The following ERBB4 variants were observed in gnomAD, a reference collection of about 807,000 sequenced individuals.
ERBB4 encodes the protein erb-b2 receptor tyrosine kinase 4.
Under a neutral mutation model 158.0 loss-of-function variants are expected in ERBB4, and 42 were observed. The ratio of observed to expected loss-of-function variants is 0.27; its 90% CI spans 0.21 to 0.34. The LOEUF (loss-of-function observed/expected upper bound fraction) is 0.34. Ranked by LOEUF, ERBB4 falls within the 10% of genes least tolerant of loss-of-function variation. The pLI is 1.00. For synonymous variants in ERBB4, 583 were observed against 558.7 expected, an observed-to-expected ratio of 1.04 and a Z score of -0.61; for missense variants, 1,333 against 1,624.1, an observed-to-expected ratio of 0.82 and a Z score of 3.08.
chr2:211,804,435 T>C (rs2076567708), intron 3 of ERBB4, among the ~76,000 whole-genome samples: 1 of 152,182 alleles, frequency 6.6e-6, no homozygotes, highest in African/African-American at 2.4e-5. Flanking sequence ...GGTCTTCTAC[T>C]TGTTCTTTGG....
chr2:212,384,890 A>AATATATATATATATATAT (rs67216333), intron 1 of ERBB4, among the ~76,000 whole-genome samples: 1 of 123,188 alleles, frequency 8.1e-6, no homozygotes, highest in African/African-American at 3.2e-5. Flanking sequence ...ATGTTTGTGG[A>AATATATATATATATATAT]ATATATATAT....
At chr2:211,803,845 T>C (rs2105896705) in intron 3 of ERBB4, among the ~76,000 whole-genome samples, 1 of 152,248 alleles carries the variant, frequency 6.6e-6, no homozygotes, top group East Asian at 1.9e-4. Context: ...ACAGCTCCTC[T>C]ACCTATTGAT....
chr2:212,395,913 AGCCAGCTATACTTTTT>A (rs1374155100), intron 1 of ERBB4, among the ~76,000 whole-genome samples: 1 of 152,074 alleles, frequency 6.6e-6, no homozygotes, highest in Non-Finnish European at 1.5e-5. Context: ...GACCACGCCC[AGCCAGCTATACTTTTT>A]TACACAGCAT....
chr2:211,886,438 GA>G (rs2078803486), intron 3 of ERBB4, among the ~76,000 whole-genome samples: 1 of 152,114 alleles, frequency 6.6e-6, no homozygotes, highest in Non-Finnish European at 1.5e-5. Context: ...AAATAAAAAT[GA>G]AAGAAGGATA....
At position 211,810,991 on chromosome 2, in the gene ERBB4, T is replaced by C. The variant is rs2076740648; in HGVS notation, c.422-22832A>G. 1.3e-5 allele frequency among the ~76,000 whole-genome samples: 2 copies of C among 152,206 alleles called. 1 individual carries two copies. Among genetic ancestry groups the C allele is most frequent in the South Asian group, 4.1e-4 (2 of 4,830 alleles). ...GCCTGGCCCAGTCTCTGTCTTTTAATTGGGGTGTTCAGCCCATTTACATTT... is the reference window on the plus strand; with the variant it reads ...GCCTGGCCCAGTCTCTGTCTTTTAACTGGGGTGTTCAGCCCATTTACATTT... On this transcript the variant is annotated intron_variant, in intron 3 of 27. Transcript: ENST00000342788.
intron 6 of ERBB4, among the ~76,000 whole-genome samples, chr2:211,724,780 C>T (rs752695670): frequency 2.0e-5 from 3 of 151,952 alleles, no homozygotes; most frequent in Non-Finnish European, 4.4e-5. Context: ...AGGTAATCAC[C>T]GCATTACTGG....
chr2:211,857,074 T>C (rs1575258053), intron 3 of ERBB4, among the ~76,000 whole-genome samples: 1 of 152,134 alleles, frequency 6.6e-6, no homozygotes, highest in South Asian at 2.1e-4. Flanking sequence ...TTCTGGCATA[T>C]GGTTGTCAGG....
chr2:212,396,994 A>C (rs2091047298), intron 1 of ERBB4, among the ~76,000 whole-genome samples: 1 of 152,202 alleles, frequency 6.6e-6, no homozygotes, highest in Non-Finnish European at 1.5e-5. Flanking sequence ...ATTCCATTTT[A>C]ATGACTGTAT....
chr2:211,629,001 A>T (rs1285928151), intron 17 of ERBB4, among the ~76,000 whole-genome samples: 1 of 152,118 alleles, frequency 6.6e-6, no homozygotes, highest in African/African-American at 2.4e-5. Context: ...TACTTTGCAC[A>T]CTTTTTGATG....
chr2:212,250,649 T>G (rs1037939644), intron 1 of ERBB4, among the ~76,000 whole-genome samples: 1 of 151,982 alleles, frequency 6.6e-6, no homozygotes, highest in South Asian at 2.1e-4. Context: ...TCTAAATTCA[T>G]GCATTCACTT....
chr2:212,473,402 C>T (rs1226372230), intron 1 of ERBB4, among the ~76,000 whole-genome samples: 1 of 152,010 alleles, frequency 6.6e-6, no homozygotes, highest in African/African-American at 2.4e-5. Context: ...ACATCCCTAA[C>T]TGCATTTTGA....
chr2:212,421,220 C>G (rs763712123), intron 1 of ERBB4, among the ~76,000 whole-genome samples: 7 of 151,992 alleles, frequency 4.6e-5, no homozygotes, highest in Non-Finnish European at 8.8e-5. Flanking sequence ...CTTCCCTATG[C>G]CTGGTTATAT....
chr2:211,750,667 C>T lies in ERBB4; in HGVS notation c.594G>A (p.Trp198Ter), dbSNP rs1460261552. The change falls in exon 5 of 28, where the codon TGG (tryptophan) becomes TGA (stop). Residue 198 changes from tryptophan (W) to a stop codon, truncating the protein, a stop_gained. Coordinates refer to ENST00000342788, the MANE Select transcript of ERBB4 (RefSeq NM_005235.3). LOFTEE classifies it high-confidence loss of function. ...RCHKSCTGRC[W>*]GPTENHCQTL... is the part of the protein sequence containing the mutation. The stretch of plus-strand genomic sequence containing the variant: ...TCTGGCAATGATTTTCTGTGGGTCC[C>T]CAGCAACGGCCAGTACAGGACTTAT... The T allele has an allele frequency of 6.2e-7, 1 of 1,613,912 alleles. No individual in the cohort carries two copies. The highest frequency in any genetic ancestry group is 2.2e-5 in the East Asian group (1 of 44,862).
chr2:211,741,609 C>A (rs2074800407), intron 5 of ERBB4, among the ~76,000 whole-genome samples: 1 of 151,958 alleles, frequency 6.6e-6, no homozygotes, highest in Admixed American at 6.6e-5. Context: ...GTTTAATATT[C>A]TTTTTGATCA....
intron 1 of ERBB4, among the ~76,000 whole-genome samples, chr2:212,145,844 A>T (rs2080652001): frequency 6.7e-6 from 1 of 149,770 alleles, no homozygotes; most frequent in Non-Finnish European, 1.5e-5. Flanking sequence ...GGTGTCTATT[A>T]TCTCTCACTT....
chr2:212,271,200 T>C (rs1409010358), intron 1 of ERBB4, among the ~76,000 whole-genome samples: 1 of 151,732 alleles, frequency 6.6e-6, no homozygotes, highest in African/African-American at 2.4e-5. Context: ...GAGTTAGACT[T>C]TCAGCATTGT....
chr2:212,336,769 A>C (rs944709866), intron 1 of ERBB4, among the ~76,000 whole-genome samples: 4 of 152,084 alleles, frequency 2.6e-5, no homozygotes, highest in African/African-American at 9.7e-5. Context: ...TTCACTTTGC[A>C]CTGAGATTAG....
chr2:211,536,893 C>T (rs2066669731), intron 20 of ERBB4, among the ~76,000 whole-genome samples: 1 of 151,762 alleles, frequency 6.6e-6, no homozygotes, highest in African/African-American at 2.4e-5. Flanking sequence ...AATCTTAAAT[C>T]TTTCTCCCAA....
chr2:212,227,564 A>AAAT (rs1433054693), intron 1 of ERBB4, among the ~76,000 whole-genome samples: 2 of 152,156 alleles, frequency 1.3e-5, no homozygotes, highest in Non-Finnish European at 2.9e-5. Flanking sequence ...AATTCCTTCA[A>AAAT]AATAACTGCT....
Sources: allele counts gnomAD v4.1 joint callset (sites outside exome capture counted in the v4.1 genomes callset), GRCh38; gene constraint gnomAD v4.1.1; transcripts MANE v1.5; gene names NCBI Gene and HGNC (gene_info 2026-07-23, HGNC 2026-07-21).